The following RBFOX1 variants were observed in gnomAD, a reference collection of about 807,000 sequenced individuals.
RBFOX1 encodes RNA binding protein fox-1 homolog 1.
Under a neutral mutation model 57.7 loss-of-function variants are expected in RBFOX1, and 8 were observed. The observed-to-expected ratio is 0.14, with a 90% confidence interval of 0.08 to 0.25. The LOEUF (loss-of-function observed/expected upper bound fraction) is 0.25. Among genes scored for constraint, RBFOX1 ranks in the 10% least tolerant of loss-of-function variants. RBFOX1 has a pLI of 1.00. For synonymous variants in RBFOX1, 326 were observed against 222.4 expected (o/e 1.47, Z -4.15); for missense variants, 611 against 548.5 (o/e 1.11, Z -1.14).
chr16:7,269,950 G>C (rs552522109), intron 4 of RBFOX1, among the ~76,000 whole-genome samples: 2 of 152,170 alleles, frequency 1.3e-5, no homozygotes, highest in Non-Finnish European at 2.9e-5. Flanking sequence ...TTATTAATTT[G>C]ATAGGTAAAA....
chr16:7,048,331 C>G (rs1301860018), intron 3 of RBFOX1, among the ~76,000 whole-genome samples: 1 of 152,110 alleles, frequency 6.6e-6, no homozygotes, highest in East Asian at 1.9e-4. Context: ...ACAATCTTGG[C>G]TCACTGCAAC....
intron 3 of RBFOX1, among the ~76,000 whole-genome samples, chr16:6,792,817 T>C (rs1196784500): frequency 6.6e-6 from 1 of 152,030 alleles, no homozygotes; most frequent in Non-Finnish European, 1.5e-5. Flanking sequence ...GATCATGACG[T>C]CAGGAGTTCA....
chr16:7,546,608 C>G (rs8055562), intron 5 of RBFOX1, among the ~76,000 whole-genome samples: 5,615 of 152,160 alleles, frequency 0.037, 314 homozygotes, highest in African/African-American at 0.13. Context: ...GATAAAAATG[C>G]AAAGATGATA....
chr16:7,091,519 C>T (rs918410626), intron 4 of RBFOX1, among the ~76,000 whole-genome samples: 3 of 149,334 alleles, frequency 2.0e-5, no homozygotes, highest in African/African-American at 7.3e-5. Context: ...CAATGTAGTT[C>T]AGTCACTTAA....
Position 5,548,733 on chromosome 16 carries a change from G to C in RBFOX1, c.259-50169G>C, listed in dbSNP as rs192142280. ...AATGATGGATATTTCACTGTCTTGAGTGAGATGAGAGTTCATGGATGTATG... is the reference window on the plus strand; with the variant it reads ...AATGATGGATATTTCACTGTCTTGACTGAGATGAGAGTTCATGGATGTATG... On this transcript the variant is annotated intron_variant, in intron 2 of 2. Coordinates refer to the RBFOX1 transcript ENST00000585867. 2.2e-3 allele frequency among the ~76,000 whole-genome samples: 341 copies of C among 152,254 alleles called. 1 individual carries two copies. Among genetic ancestry groups the C allele is most frequent in the Non-Finnish European group, 3.7e-3 (253 of 68,018 alleles).
intron 2 of RBFOX1, among the ~76,000 whole-genome samples, chr16:6,632,121 G>T (rs1414000603): frequency 1.3e-5 from 2 of 152,106 alleles, no homozygotes; most frequent in African/African-American, 2.4e-5. Flanking sequence ...CTTGTTAATT[G>T]TGTGTCCTGG....
intron 3 of RBFOX1, among the ~76,000 whole-genome samples, chr16:7,021,255 T>C (rs1312350367): frequency 6.6e-6 from 1 of 151,346 alleles, no homozygotes; most frequent in Non-Finnish European, 1.5e-5. Context: ...CCCACCTCAT[T>C]TGGTTACTAC....
chr16:6,915,698 G>C (rs921979157), intron 3 of RBFOX1, among the ~76,000 whole-genome samples: 8 of 151,606 alleles, frequency 5.3e-5, no homozygotes, highest in Admixed American at 5.3e-4. Flanking sequence ...GTACAGGTGC[G>C]CACCACCATG....
intron 3 of RBFOX1, among the ~76,000 whole-genome samples, chr16:6,781,253 C>G (rs1485875081): frequency 2.0e-5 from 3 of 152,048 alleles, no homozygotes; most frequent in Non-Finnish European, 1.5e-5. Flanking sequence ...CTTTGTTGAA[C>G]CATCCTTTTA....
intron 11 of RBFOX1, among the ~76,000 whole-genome samples, chr16:7,636,639 G>A (rs146823668): frequency 7.0e-4 from 106 of 152,296 alleles, no homozygotes; most frequent in African/African-American, 1.4e-3. Context: ...GTTTTGCACT[G>A]TATCAGTCAG....
chr16:6,433,802 C>G (rs1018277563), intron 2 of RBFOX1, among the ~76,000 whole-genome samples: 5 of 151,548 alleles, frequency 3.3e-5, no homozygotes, highest in African/African-American at 1.2e-4. Context: ...TCTGCTCCAT[C>G]ATCACACCTC....
chr16:5,645,913 G>A (rs2151344426), intron 3 of RBFOX1, among the ~76,000 whole-genome samples: 1 of 152,318 alleles, frequency 6.6e-6, no homozygotes, highest in Non-Finnish European at 1.5e-5. Context: ...ATAGCTCACT[G>A]CAGCCTCAAA....
At chr16:5,792,566 G>A (rs2054736968) in intron 3 of RBFOX1, among the ~76,000 whole-genome samples, 1 of 152,218 alleles carries the variant, frequency 6.6e-6, no homozygotes, top group Non-Finnish European at 1.5e-5. Context: ...AATATGGCTG[G>A]GTGCAGTGGC....
chr16:6,797,261 C>G (rs548611693), intron 3 of RBFOX1, among the ~76,000 whole-genome samples: 12 of 152,268 alleles, frequency 7.9e-5, no homozygotes, highest in Non-Finnish European at 1.6e-4. Flanking sequence ...TCCCCCATAA[C>G]GCTGTCCTTA....
chr16:5,617,628 G>T (rs1217951074), intron 3 of RBFOX1, among the ~76,000 whole-genome samples: 1 of 152,184 alleles, frequency 6.6e-6, no homozygotes, highest in Non-Finnish European at 1.5e-5. Flanking sequence ...TAATCAAGCT[G>T]TCTTTATTCT....
intron 2 of RBFOX1, among the ~76,000 whole-genome samples, chr16:6,336,321 G>A (rs2083747909): frequency 1.4e-5 from 2 of 146,674 alleles, no homozygotes; most frequent in Admixed American, 7.0e-5. Flanking sequence ...TCAGCCTCCC[G>A]TGTAGCTGGG....
intron 2 of RBFOX1, among the ~76,000 whole-genome samples, chr16:6,360,691 G>T (rs772342782): frequency 1.3e-5 from 2 of 152,160 alleles, no homozygotes; most frequent in African/African-American, 2.4e-5. Context: ...AATCATCACA[G>T]AAATTCATTG....
At chr16:7,581,034 G>A (rs1352408687) in intron 6 of RBFOX1, among the ~76,000 whole-genome samples, 1 of 152,118 alleles carries the variant, frequency 6.6e-6, no homozygotes, top group Non-Finnish European at 1.5e-5. Flanking sequence ...GGAGGCTCTT[G>A]TTCACTACTC....
At chr16:5,614,446 A>C (rs1326032505) in intron 3 of RBFOX1, among the ~76,000 whole-genome samples, 2 of 152,072 alleles carry the variant, frequency 1.3e-5, no homozygotes, top group Admixed American at 1.3e-4. Flanking sequence ...GAGTCGTTCC[A>C]ATGTGTTCTA....
Sources: gnomAD v4.1 joint callset for allele counts (sites outside exome capture counted in the v4.1 genomes callset) on GRCh38, gnomAD v4.1.1 for gene constraint, MANE v1.5 for transcripts, NCBI Gene and HGNC (gene_info 2026-07-23, HGNC 2026-07-21) for gene names.